The following RNF6 variants were observed in gnomAD, a reference collection of about 807,000 sequenced individuals.
RNF6 encodes ring finger protein 6, also known as E3 ubiquitin-protein ligase RNF6.
Under a neutral mutation model 50.1 loss-of-function variants are expected in RNF6, and 21 were observed. The ratio of observed to expected loss-of-function variants is 0.42; its 90% CI spans 0.30 to 0.60. The LOEUF (loss-of-function observed/expected upper bound fraction) is 0.60. Among genes scored for constraint, RNF6 ranks in the 20% least tolerant of loss-of-function variants. The pLI, the probability that RNF6 is intolerant of heterozygous loss-of-function variation, is 0.20. For synonymous variants in RNF6, 255 were observed against 291.8 expected, an observed-to-expected ratio of 0.87 and a Z score of 1.29; for missense variants, 698 against 838.2, an observed-to-expected ratio of 0.83 and a Z score of 2.07.
At position 26,197,265 on chromosome 13, in the gene RNF6, G is replaced by T. The variant is rs139904932; in HGVS notation, n.768+18209C>A. The stretch of plus-strand genomic sequence containing the variant: ...TGTTCCAGCCAACACCTGGGGAAAG[G>T]TCCCTGACCTCCCTTTCCTAGAGTA... On this transcript the variant is annotated intron_variant and non_coding_transcript_variant, in intron 5 of 5. Coordinates refer to the RNF6 transcript ENST00000468480. Among the ~76,000 whole-genome samples, 322 of 151,986 alleles carry T rather than the reference G, an allele frequency of 2.1e-3. 13 individuals carry two copies. Among genetic ancestry groups the T allele is most frequent in the African/African-American group, 7.3e-3 (303 of 41,292 alleles).
chr13:26,140,709 G>A (rs943971958), intron 5 of RNF6, among the ~76,000 whole-genome samples: 1 of 152,146 alleles, frequency 6.6e-6, no homozygotes, highest in African/African-American at 2.4e-5. Context: ...CATCATTGAT[G>A]ATATGATTCT....
In RNF6 at chr13:26,213,972, C is replaced by T; in HGVS notation, c.1910G>A (p.Ser637Asn). 1.2e-6 allele frequency: 2 copies of T among 1,614,174 alleles called. No individual in the cohort carries two copies. Among genetic ancestry groups the T allele is most frequent in the Non-Finnish European group, 1.7e-6 (2 of 1,180,026 alleles). The change falls in exon 5 of 5, where the codon AGT (serine) becomes AAT (asparagine). Residue 637 changes from serine (S) to asparagine (N), a missense_variant. Ser to Asn is a conservative substitution (Grantham distance 46, BLOSUM62 1). Coordinates refer to ENST00000381588, the MANE Select transcript of RNF6 (RefSeq NM_005977.4). ...GAGCTTGTTTCCAGTTACATAGTCA[C>T]TAATACAAACACTACAGATTTTACC... ...ELGKICSVCI[S>N]DYVTGNKLRQ...
chr13:26,153,188 A>C lies in RNF6; in HGVS notation n.769-20737T>G, dbSNP rs560147922. Among the ~76,000 whole-genome samples, 6 of 150,062 alleles carry C rather than the reference A, an allele frequency of 4.0e-5. No homozygotes were observed. The South Asian group carries it at 1.0e-3, about 26-fold the overall frequency. ...AAAAAAAAGAAAAGACTAAAGATGT[A>C]AGATATTTTATTTTATTTTATTTTA... is the stretch of plus-strand genomic sequence containing the variant. On this transcript the variant is annotated intron_variant and non_coding_transcript_variant, in intron 5 of 5. Coordinates refer to the RNF6 transcript ENST00000468480.
intron 2 of RNF6, among the ~76,000 whole-genome samples, chr13:26,220,366 T>C (rs1870351841): frequency 6.6e-6 from 1 of 152,210 alleles, no homozygotes; most frequent in Non-Finnish European, 1.5e-5. Context: ...CTGGAATGGT[T>C]AGTCCCAGGA....
At chr13:26,198,148 A>G (rs1033289665) in intron 5 of RNF6, among the ~76,000 whole-genome samples, 3 of 151,544 alleles carry the variant, frequency 2.0e-5, no homozygotes, top group Non-Finnish European at 4.4e-5. Flanking sequence ...ATATATACAC[A>G]CACATATATA....
intron 5 of RNF6, among the ~76,000 whole-genome samples, chr13:26,180,109 G>T (rs533423172): frequency 6.6e-6 from 1 of 152,166 alleles, no homozygotes; most frequent in Admixed American, 6.5e-5. Flanking sequence ...ATAATCAAGG[G>T]CTATATCCAG....
intron 5 of RNF6, among the ~76,000 whole-genome samples, chr13:26,154,990 A>G (rs1380674628): frequency 6.6e-6 from 1 of 152,032 alleles, no homozygotes; most frequent in African/African-American, 2.4e-5. Context: ...AGATCACACC[A>G]CTTCACTCCA....
intron 5 of RNF6, among the ~76,000 whole-genome samples, chr13:26,189,461 T>G (rs1868376630): frequency 1.3e-5 from 2 of 152,240 alleles, no homozygotes; most frequent in Non-Finnish European, 1.5e-5. Context: ...TGTTTATGTA[T>G]ATCTGTGTTC....
intron 5 of RNF6, among the ~76,000 whole-genome samples, chr13:26,148,508 G>T (rs1208205587): frequency 6.6e-6 from 1 of 150,668 alleles, no homozygotes; most frequent in African/African-American, 2.4e-5. Flanking sequence ...ACACATTCCA[G>T]AAACCCCAGA....
intron 5 of RNF6, among the ~76,000 whole-genome samples, chr13:26,205,657 T>C (rs548767733): frequency 1.3e-5 from 2 of 152,362 alleles, no homozygotes; most frequent in South Asian, 4.1e-4. Flanking sequence ...ACAACTCTAC[T>C]ATCAACCACA....
chr13:26,148,168 A>G (rs1301374674), intron 5 of RNF6, among the ~76,000 whole-genome samples: 1 of 152,124 alleles, frequency 6.6e-6, no homozygotes, highest in Non-Finnish European at 1.5e-5. Context: ...CGGAAGCACC[A>G]TACTTTAAAA....
chr13:26,168,864 C>T (rs754400680), intron 5 of RNF6, among the ~76,000 whole-genome samples: 1 of 152,156 alleles, frequency 6.6e-6, no homozygotes, highest in Admixed American at 6.5e-5. Flanking sequence ...TAGCCAAGCA[C>T]GGTGGCCGCA....
At chr13:26,143,788 G>T (rs985995091) in intron 5 of RNF6, among the ~76,000 whole-genome samples, 6 of 152,262 alleles carry the variant, frequency 3.9e-5, no homozygotes, top group African/African-American at 1.2e-4. Context: ...GGTGGTGAAC[G>T]TGGTAAGACT....
intron 5 of RNF6, among the ~76,000 whole-genome samples, chr13:26,158,484 C>T (rs543122228): frequency 1.3e-5 from 2 of 151,980 alleles, no homozygotes; most frequent in African/African-American, 2.4e-5. Flanking sequence ...TTTATCATAG[C>T]GTTAGGGTAT....
intron 5 of RNF6, among the ~76,000 whole-genome samples, chr13:26,164,526 C>A (rs2137617188): frequency 6.6e-6 from 1 of 152,182 alleles, no homozygotes. Flanking sequence ...TGTTCCTTTT[C>A]CAAATCTACT....
At chr13:26,173,807 T>A (rs754253089) in intron 5 of RNF6, among the ~76,000 whole-genome samples, 3 of 151,726 alleles carry the variant, frequency 2.0e-5, no homozygotes, top group Non-Finnish European at 4.4e-5. Flanking sequence ...AGAAATTAGC[T>A]GGATGTGGTG....
At chr13:26,162,343 G>T (rs1394029873) in intron 5 of RNF6, among the ~76,000 whole-genome samples, 1 of 152,134 alleles carries the variant, frequency 6.6e-6, no homozygotes, top group South Asian at 2.1e-4. Flanking sequence ...TAGGGAAATC[G>T]CAGTAAAGAC....
At chr13:26,188,134 A>G (rs1316709018) in intron 5 of RNF6, among the ~76,000 whole-genome samples, 3 of 152,162 alleles carry the variant, frequency 2.0e-5, no homozygotes, top group Admixed American at 6.5e-5. Context: ...AGACCATCAC[A>G]ACTGTCTTGT....
intron 5 of RNF6, among the ~76,000 whole-genome samples, chr13:26,198,130 A>G (rs73158293): frequency 0.022 from 16 of 728 alleles, no homozygotes; most frequent in Admixed American, 0.056. Context: ...GTGTGTGTGT[A>G]TATATATATA....
Sources: allele counts gnomAD v4.1 joint callset (sites outside exome capture counted in the v4.1 genomes callset), GRCh38; gene constraint gnomAD v4.1.1; transcripts MANE v1.5; gene names NCBI Gene and HGNC (gene_info 2026-07-23, HGNC 2026-07-21).